Variants in ATL3 observed in about 807,000 individuals in gnomAD.
The protein encoded by ATL3 is atlastin-3.
ATL3 carries 49 observed loss-of-function variants against 69.5 expected under a neutral mutation model. The ratio of observed to expected loss-of-function variants is 0.71; its 90% CI spans 0.56 to 0.89. ATL3 has a LOEUF of 0.89. Among genes scored for constraint, ATL3 ranks in the 40% least tolerant of loss-of-function variants. The pLI is 0.00. For missense variants in ATL3, 606 were observed against 645.7 expected (o/e 0.94, Z 0.67); for synonymous variants, 214 against 224.1 (o/e 0.95, Z 0.40).
upstream of ATL3, chr11:63,671,388 G>C (rs1310236877): frequency 6.5e-7 from 1 of 1,542,310 alleles, no homozygotes; most frequent in Non-Finnish European, 8.7e-7. Flanking sequence ...AGAGGGACGG[G>C]TGCGGGCGGG....
chr11:63,646,223 G>A (rs1205061019), intron 6 of ATL3, among the ~76,000 whole-genome samples: 2 of 152,150 alleles, frequency 1.3e-5, no homozygotes, highest in African/African-American at 2.4e-5. Flanking sequence ...TTACTCTGCC[G>A]TTGTAGCAGG....
At chr11:63,636,092 C>G in intron 9 of ATL3, 115 bp downstream of exon 9, 4 of 1,372,122 alleles carry the variant, frequency 2.9e-6, no homozygotes, top group Non-Finnish European at 3.0e-6. Flanking sequence ...AAATGCCTCT[C>G]ACCATCTCCC....
rs1353676818 is a variant in ATL3 at position 63,653,519 on chromosome 11, G to A, written c.406-944C>T. Among the ~76,000 whole-genome samples the A allele has an allele frequency of 4.0e-5, 6 of 151,614 alleles. No individual in the cohort carries two copies. In the South Asian group the frequency reaches 8.3e-4, roughly 21 times the overall value. On this transcript the variant is annotated intron_variant, in intron 3 of 12. Coordinates refer to ENST00000398868, the MANE Select transcript of ATL3 (RefSeq NM_015459.5). The stretch of plus-strand genomic sequence containing the variant: ...ATACCCAAAGGAGCTGAAAACTTAT[G>A]TCTCAACAAAAACCAACACATGAGT...
At chr11:63,652,049 C>CTT in intron 4 of ATL3, 63 bp from the exon 5 acceptor site, 1 of 1,558,684 alleles carries the variant, frequency 6.4e-7, no homozygotes, top group Non-Finnish European at 8.6e-7. Context: ...CCAAATAAGC[C>CTT]TAAAGGGCTG....
chr11:63,631,597 T>G (rs1369347154), intron 11 of ATL3, 126 bp from the exon 12 acceptor site: 3 of 884,128 alleles, frequency 3.4e-6, no homozygotes, highest in Non-Finnish European at 5.0e-6. Context: ...TAAGTTAACT[T>G]TTAAAAGATG....
chr11:63,642,025 A>G (rs765747861), intron 8 of ATL3, among the ~76,000 whole-genome samples: 2 of 152,204 alleles, frequency 1.3e-5, no homozygotes, highest in Non-Finnish European at 2.9e-5. Flanking sequence ...CAGGTTGGGA[A>G]AAGTACAACC....
At chr11:63,646,049 C>A (rs1467561983) in intron 6 of ATL3, among the ~76,000 whole-genome samples, 1 of 101,500 alleles carries the variant, frequency 9.9e-6, no homozygotes, top group Non-Finnish European at 1.9e-5. Context: ...CAGGCATGAG[C>A]CACTGTACCT....
chr11:63,659,332 A>T (rs754188903), intron 1 of ATL3, 80 bp from the exon 2 acceptor site: 45 of 1,272,350 alleles, frequency 3.5e-5, no homozygotes, highest in African/African-American at 4.5e-5. Flanking sequence ...AAAACTTCTT[A>T]AACAGGGGAC....
chr11:63,634,038 CAAAAA>C (rs1158615731), intron 10 of ATL3, among the ~76,000 whole-genome samples: 2 of 76,106 alleles, frequency 2.6e-5, no homozygotes, highest in Non-Finnish European at 5.2e-5. Context: ...CTGTCTCAAA[CAAAAA>C]AAAAAAAAAA....
At chr11:63,668,999 T>A (rs566024939) in intron 1 of ATL3, among the ~76,000 whole-genome samples, 41 of 139,668 alleles carry the variant, frequency 2.9e-4, no homozygotes, top group African/African-American at 6.4e-4. Context: ...AACTTTTTTT[T>A]AATTTTTTTT....
intron 8 of ATL3, 84 bp downstream of exon 8, chr11:63,643,273 A>T: frequency 7.2e-7 from 1 of 1,397,490 alleles, no homozygotes; most frequent in Non-Finnish European, 9.7e-7. Context: ...CATTTTTCTT[A>T]AGCATTCACT....
intron 9 of ATL3, among the ~76,000 whole-genome samples, chr11:63,635,832 T>C (rs745762711): frequency 3.3e-5 from 5 of 149,390 alleles, no homozygotes; most frequent in African/African-American, 1.2e-4. Flanking sequence ...CCATGCACGC[T>C]GGCCTCACCA....
chr11:63,638,837 T>C (rs190736004), intron 8 of ATL3, among the ~76,000 whole-genome samples: 41 of 152,058 alleles, frequency 2.7e-4, no homozygotes, highest in Middle Eastern at 6.8e-3. Flanking sequence ...TACCTCTAAA[T>C]AAGTGGTTGA....
At chr11:63,632,782 C>A in intron 11 of ATL3, 3 of 826,918 alleles carry the variant, frequency 3.6e-6, no homozygotes, top group South Asian at 1.5e-5. Flanking sequence ...TTATTACTCC[C>A]ATTGAAACTA....
At chr11:63,632,965 T>C in intron 11 of ATL3, 61 bp downstream of exon 11, 1 of 1,495,384 alleles carries the variant, frequency 6.7e-7, no homozygotes, top group African/African-American at 1.4e-5. Context: ...GTTGGGCTTT[T>C]GAAGTCAGCA....
intron 8 of ATL3, among the ~76,000 whole-genome samples, chr11:63,639,870 A>C (rs920320076): frequency 1.3e-5 from 2 of 152,180 alleles, no homozygotes. Flanking sequence ...ATCTTTCTGC[A>C]TTTAATAATA....
chr11:63,670,605 A>C (rs1242851137), intron 1 of ATL3: 1 of 152,224 alleles, frequency 6.6e-6, no homozygotes, highest in East Asian at 1.9e-4. Context: ...ACTATGTTTC[A>C]TGTCTTCGGG....
At chr11:63,667,763 CAAAAAA>C (rs35015200) in intron 1 of ATL3, among the ~76,000 whole-genome samples, 2 of 99,572 alleles carry the variant, frequency 2.0e-5, no homozygotes, top group Non-Finnish European at 4.2e-5. Flanking sequence ...GACTCTGTAT[CAAAAAA>C]AAAAAAAAAA....
chr11:63,644,358 A>C, intron 6 of ATL3, 97 bp from the exon 7 acceptor site: 2 of 720,212 alleles, frequency 2.8e-6, no homozygotes, highest in Middle Eastern at 3.4e-4. Flanking sequence ...GCTTCTACAA[A>C]GGGGGTAAAG....
Sources: allele counts gnomAD v4.1 joint callset (sites outside exome capture counted in the v4.1 genomes callset), GRCh38; gene constraint gnomAD v4.1.1; transcripts MANE v1.5; gene names NCBI Gene and HGNC (gene_info 2026-07-23, HGNC 2026-07-21).